Variants in SSH3 observed in about 807,000 individuals in gnomAD.
SSH3 encodes the protein protein phosphatase Slingshot homolog 3.
SSH3 carries 67 observed loss-of-function variants against 75.0 expected under a neutral mutation model. The observed-to-expected ratio is 0.89, with a 90% CI of 0.73 to 1.10. SSH3 has a LOEUF of 1.10. SSH3 is among the 50% of genes least tolerant of loss of function. The pLI is 0.00. For synonymous variants in SSH3, 318 were observed against 349.2 expected, an observed-to-expected ratio of 0.91 and a Z score of 1.00; for missense variants, 824 against 872.7, an observed-to-expected ratio of 0.94 and a Z score of 0.70.
chr11:67,304,083 G>T, intron 1 of SSH3, 35 bp from the exon 2 acceptor site: 1 of 1,553,986 alleles, frequency 6.4e-7, no homozygotes, highest in Non-Finnish European at 8.7e-7. Flanking sequence ...AGCCCTCCCC[G>T]CCCTCACCCT....
At chr11:67,310,005 T>G (rs775344191) in intron 12 of SSH3, 37 bp downstream of exon 12, 1 of 1,608,070 alleles carries the variant, frequency 6.2e-7, no homozygotes, top group East Asian at 2.2e-5. Flanking sequence ...GGTGAGTAGG[T>G]GGGTTTGCTG....
rs755800292 is a variant in SSH3, at chr11:67,309,541, A to G, written c.1206A>G (p.Ala402=). The change falls in exon 11 of 14, where the codon GCA becomes GCG. Residue 402 remains alanine (A), a splice_region_variant and synonymous_variant. Transcript: ENST00000308127. Reference sequence around the variant, plus strand: ...AGACGCACCGCTTCATTGAGGCTGCAAGGTCGGTCTCCTGGCTTTGCTGCC... The same window carrying G: ...AGACGCACCGCTTCATTGAGGCTGCGAGGTCGGTCTCCTGGCTTTGCTGCC... ...WKETHRFIEA[A]RAQGTHVLVH... 8.7e-6 allele frequency: 14 copies of G among 1,613,362 alleles called. No individual in the cohort carries two copies. The highest frequency in any genetic ancestry group is 1.2e-5 in the Non-Finnish European group (14 of 1,179,984).
At chr11:67,305,442 C>A (rs1408996949) in intron 3 of SSH3, among the ~76,000 whole-genome samples, 1 of 152,162 alleles carries the variant, frequency 6.6e-6, no homozygotes, top group Non-Finnish European at 1.5e-5. Context: ...CCTGCCTCGG[C>A]CTCCCTAAGT....
Position 67,304,800 on chromosome 11 carries a change from T to C in SSH3, c.132T>C (p.Ala44=). ...RRQSFAVLRG[A]VLGLQDGGDN... ...AGAGCTTTGCGGTGCTCCGTGGGGCTGTCCTGGGACTGCAGGATGGAGGGG... is the reference window on the plus strand; with the variant it reads ...AGAGCTTTGCGGTGCTCCGTGGGGCCGTCCTGGGACTGCAGGATGGAGGGG... The change falls in exon 3 of 14, where the codon GCT becomes GCC. Residue 44 remains alanine (A), a synonymous_variant. Coordinates refer to ENST00000308127, the MANE Select transcript of SSH3 (RefSeq NM_017857.4). The C allele has an allele frequency of 6.2e-7, 1 of 1,610,922 alleles. No individual in the cohort carries two copies. Among genetic ancestry groups the C allele is most frequent in the Non-Finnish European group, 8.5e-7 (1 of 1,178,920 alleles).
rs1861259823 is a variant in SSH3, at chr11:67,306,870, G to A, written c.372G>A (p.Arg124=). The part of the protein sequence containing the change: ...AAQLEAPRPP[R]LRYLLVVSTR... ...AGCTGGAGGCACCCCGGCCTCCCCG[G>A]CTCCGCTACCTGCTGGTAGTTTCTA... The change falls in exon 4 of 14, where the codon CGG becomes CGA. Residue 124 remains arginine, a synonymous_variant. Coordinates refer to ENST00000308127, the MANE Select transcript of SSH3 (RefSeq NM_017857.4). 2 of 1,613,186 alleles carry A rather than the reference G, an allele frequency of 1.2e-6. No individual in the cohort carries two copies. The highest frequency in any genetic ancestry group is 1.7e-6 in the Non-Finnish European group (2 of 1,179,418).
chr11:67,304,929 T>A lies in SSH3; in HGVS notation c.261T>A (p.Ser87Arg). 1 of 1,613,200 alleles carries A rather than the reference T, an allele frequency of 6.2e-7. No individual in the cohort carries two copies. The highest frequency in any genetic ancestry group is 1.1e-5 in the South Asian group (1 of 91,040). ...DQTDFGQGSQ[S>R]PQKQEEQRQH... The stretch of plus-strand genomic sequence containing the variant: ...CAGACTTCGGGCAAGGATCCCAGAG[T>A]CCCCAGAAGCAGGAGGAGCAGAGGC... Residue 87 changes from serine (S) to arginine (R), a missense_variant, in exon 3 of 14, where the codon AGT (serine) becomes AGA (arginine). Physicochemically the swap from Ser to Arg is moderately radical, Grantham distance 110 (BLOSUM62 -1). Transcript: ENST00000308127.
chr11:67,310,241 C>G lies in SSH3; in HGVS notation c.1585C>G (p.Arg529Gly), dbSNP rs144774998. The G allele has an allele frequency of 1.2e-6, 2 of 1,614,076 alleles. No individual in the cohort carries two copies. Among genetic ancestry groups the G allele is most frequent in the South Asian group, 2.2e-5 (2 of 91,086 alleles). Reference protein sequence around the residue: ...QAAPKEEPGPRPRINLRGVMR... With the variant: ...QAAPKEEPGPGPRINLRGVMR... ...AGCCCCGAAAGAAGAGCCTGGGCCA[C>G]GGCCACGTATAAACCTCCGAGGGGT... Residue 529 changes from arginine (R) to glycine (G), a missense_variant, in exon 13 of 14, where the codon CGG becomes GGG. Transcript: ENST00000308127.
chr11:67,309,952 G>A lies in SSH3; in HGVS notation c.1393G>A (p.Gly465Ser). ...GFLRQLQIYQ[G>S]ILTASRQSHV... is the part of the protein sequence containing the mutation. ...CCTGCGCCAGCTGCAGATCTACCAGGGCATCCTGACGGCCAGGTATGGGAT... is the reference window on the plus strand; with the variant it reads ...CCTGCGCCAGCTGCAGATCTACCAGAGCATCCTGACGGCCAGGTATGGGAT... The change falls in exon 12 of 14, where the codon GGC (glycine) becomes AGC (serine). Residue 465 changes from glycine (G) to serine (S), a missense_variant. By Grantham distance (56) the Gly-to-Ser change is moderately conservative. Coordinates refer to ENST00000308127, the MANE Select transcript of SSH3 (RefSeq NM_017857.4). 1.2e-6 allele frequency: 2 copies of A among 1,610,352 alleles called. No individual in the cohort carries two copies. Among genetic ancestry groups the A allele is most frequent in the Non-Finnish European group, 8.5e-7 (1 of 1,179,996 alleles).
Position 67,303,605 on chromosome 11 carries a change from A to G in SSH3, c.-21A>G. 1 of 1,518,014 alleles carries G rather than the reference A, an allele frequency of 6.6e-7. No individual in the cohort carries two copies. The highest frequency in any genetic ancestry group is 8.8e-7 in the Non-Finnish European group (1 of 1,139,326). 94.0% of individuals were successfully genotyped at this position (1,518,014 alleles called of 1,614,324 possible). A position where few individuals can be genotyped will look rare whatever the true frequency, so the allele number is the denominator to read the frequency against. On this transcript the variant is annotated 5_prime_UTR_variant, in exon 1 of 14. Transcript: ENST00000308127. ...AAGGGGCCGTGCCCGGTGCCAGCCC[A>G]GGTGCTCGCGGCCTGGCTCCATGGC...
intron 1 of SSH3, 154 bp from the exon 2 acceptor site, chr11:67,303,964 C>T: frequency 2.8e-6 from 3 of 1,057,404 alleles, no homozygotes; most frequent in Non-Finnish European, 3.9e-6. Context: ...TGGGCCGGGG[C>T]TCCACGGGGC....
chr11:67,304,248 C>T (rs1350746646), intron 2 of SSH3, 93 bp downstream of exon 2: 3 of 1,024,984 alleles, frequency 2.9e-6, no homozygotes, highest in Non-Finnish European at 4.2e-6. Flanking sequence ...GAAAGCTCCC[C>T]GGAGGACGCG....
Position 67,310,158 on chromosome 11 carries a change from C to T in SSH3, c.1502C>T (p.Pro501Leu), listed in dbSNP as rs370197853. Residue 501 changes from proline to leucine, a missense_variant, in exon 13 of 14, where the codon CCG becomes CTG. Pro to Leu is a moderately conservative substitution (Grantham distance 98). Transcript: ENST00000308127. ...PEVSTPFPPL[P>L]PEPEGGGEEK... is the part of the protein sequence containing the mutation. The stretch of plus-strand genomic sequence containing the variant: ...GTCTCTACACCATTCCCACCTCTTC[C>T]GCCAGAACCTGAGGGTGGTGGGGAG... 95 of 1,614,128 alleles carry T rather than the reference C, an allele frequency of 5.9e-5. No individual in the cohort carries two copies. Among genetic ancestry groups the T allele is most frequent in the Middle Eastern group, 1.6e-4 (1 of 6,084 alleles).
In SSH3 at chr11:67,311,723, C is replaced by T; in HGVS notation, c.1816C>T (p.Leu606Phe). Residue 606 changes from leucine (L) to phenylalanine (F), a missense_variant, in exon 14 of 14, where the codon CTC becomes TTC. Physicochemically the swap from Leu to Phe is conservative, Grantham distance 22 (BLOSUM62 0). Transcript: ENST00000308127. ...ALKSRQSVVT[L>F]QGSAVVANRT... The stretch of plus-strand genomic sequence containing the variant: ...GAAGTCCCGCCAGTCAGTGGTTACC[C>T]TCCAGGGCAGTGCCGTGGTGGCCAA... 1.2e-6 allele frequency: 2 copies of T among 1,614,080 alleles called. No individual in the cohort carries two copies. The highest frequency in any genetic ancestry group is 1.7e-6 in the Non-Finnish European group (2 of 1,180,020).
chr11:67,304,893 CG>C lies in SSH3; in HGVS notation c.229del (p.Asp77ThrfsTer29), dbSNP rs1565087651. ...AGGCCCCGAGTGAGGAGGAGCTCCA[CG>C]GGGACCAGACAGACTTCGGGCAAGG... Reference protein sequence around the residue: ...EKAPSEEELHGDQTDFGQGSQ... With the variant: ...EKAPSEEELHXDQTDFGQGSQ... On this transcript the variant is annotated frameshift_variant, in exon 3 of 14. Coordinates refer to ENST00000308127, the MANE Select transcript of SSH3 (RefSeq NM_017857.4). LOFTEE classifies it high-confidence loss of function. 6.2e-7 allele frequency: 1 copy of C among 1,613,796 alleles called. No individual in the cohort carries two copies. The highest frequency in any genetic ancestry group is 1.7e-5 in the Admixed American group (1 of 60,010).
At chr11:67,305,052 G>T (rs200871845) in intron 3 of SSH3, 45 bp downstream of exon 3, 333 of 1,554,706 alleles carry the variant, frequency 2.1e-4, no homozygotes, top group Admixed American at 2.8e-4. Flanking sequence ...GAAGAGACAC[G>T]CCTGAGGGCA....
chr11:67,311,685 C>T lies in SSH3; in HGVS notation c.1778C>T (p.Pro593Leu), dbSNP rs1274239272. Residue 593 changes from proline to leucine, a missense_variant, in exon 14 of 14, where the codon CCT (proline) becomes CTT (leucine). Pro to Leu is a moderately conservative substitution (Grantham distance 98). Coordinates refer to ENST00000308127, the MANE Select transcript of SSH3 (RefSeq NM_017857.4). ...TKGGQQVDRG[P>L]QPALKSRQSV... ...GGAGGCCAGCAGGTGGACAGGGGGC[C>T]TCAGCCTGCCCTGAAGTCCCGCCAG... is the stretch of plus-strand genomic sequence containing the variant. The T allele has an allele frequency of 6.2e-7, 1 of 1,614,102 alleles. No individual in the cohort carries two copies. Among genetic ancestry groups the T allele is most frequent in the Non-Finnish European group, 8.5e-7 (1 of 1,180,022 alleles).
Position 67,308,653 on chromosome 11 carries a change from C to A in SSH3, c.1061+195C>A, listed in dbSNP as rs1861323352. On this transcript the variant is annotated intron_variant, in intron 10 of 13. Transcript: ENST00000308127. This position sits in a 1 kb window ranked among gnomAD's most constrained non-coding sequence, Gnocchi z 4.9. ...CAGGAGACCTGCTGGCCAGCCCCCG[C>A]CCACTCTCCTCCCCCATCCACACTG... is the stretch of plus-strand genomic sequence containing the variant. 6.6e-6 allele frequency among the ~76,000 whole-genome samples: 1 copy of A among 152,062 alleles called. No homozygotes were observed. Among genetic ancestry groups the A allele is most frequent in the East Asian group, 1.9e-4 (1 of 5,178 alleles).
chr11:67,311,716 G>T lies in SSH3; in HGVS notation c.1809G>T (p.Val603=). 6.2e-7 allele frequency: 1 copy of T among 1,614,046 alleles called. No homozygotes were observed. Among genetic ancestry groups the T allele is most frequent in the Middle Eastern group, 1.7e-4 (1 of 6,052 alleles). ...CTGCCCTGAAGTCCCGCCAGTCAGT[G>T]GTTACCCTCCAGGGCAGTGCCGTGG... ...PQPALKSRQS[V]VTLQGSAVVA... The change falls in exon 14 of 14, where the codon GTG becomes GTT. Residue 603 remains valine (V), a synonymous_variant. Coordinates refer to ENST00000308127, the MANE Select transcript of SSH3 (RefSeq NM_017857.4).
intron 2 of SSH3, 133 bp downstream of exon 2, chr11:67,304,288 C>T (rs1222431487): frequency 1.5e-5 from 11 of 721,018 alleles, no homozygotes; most frequent in Non-Finnish European, 1.8e-5. Context: ...ATTTGTGGGG[C>T]AGCGTTCCCG....
Sources: gnomAD v4.1 joint callset for allele counts (sites outside exome capture counted in the v4.1 genomes callset) on GRCh38, gnomAD v4.1.1 for gene constraint, Gnocchi (gnomAD v3.1) non-coding constraint, MANE v1.5 for transcripts, NCBI Gene and HGNC (gene_info 2026-07-23, HGNC 2026-07-21) for gene names.